The following KCNIP4 variants were observed in gnomAD, a reference collection of about 807,000 sequenced individuals.
KCNIP4 encodes the protein potassium voltage-gated channel interacting protein 4, also known as Kv channel-interacting protein 4.
Under a neutral mutation model 34.0 loss-of-function variants are expected in KCNIP4, and 12 were observed. The observed-to-expected ratio is 0.35, with a 90% CI of 0.23 to 0.57. The LOEUF is 0.57. KCNIP4 is among the 20% of genes least tolerant of loss of function. The pLI, the probability that KCNIP4 is intolerant of heterozygous loss-of-function variation, is 0.83. For missense variants in KCNIP4, 238 were observed against 311.7 expected (o/e 0.76, Z 1.78); for synonymous variants, 124 against 102.2 (o/e 1.21, Z -1.29).
In KCNIP4 at chr4:21,791,719, A is replaced by G. The variant is rs1183298385; in HGVS notation, c.61+156852T>C. On this transcript the variant is annotated intron_variant, in intron 1 of 8. Transcript: ENST00000382152. ...ATTCCTCAGCTGTAGAAAGCAAACA[A>G]TAATAAGAACTACCTCTCATGCCTG... Among the ~76,000 whole-genome samples, 3 of 152,118 alleles carry G rather than the reference A, an allele frequency of 2.0e-5. No individual in the cohort carries two copies. The East Asian group carries it at 5.8e-4, about 30-fold the overall frequency.
chr4:21,623,473 C>A (rs1745120365), intron 1 of KCNIP4, among the ~76,000 whole-genome samples: 1 of 152,186 alleles, frequency 6.6e-6, no homozygotes, highest in African/African-American at 2.4e-5. Context: ...GGAATGGTTT[C>A]TCTAATAAAA....
intron 1 of KCNIP4, among the ~76,000 whole-genome samples, chr4:21,154,309 A>G (rs1752985547): frequency 6.6e-6 from 1 of 152,216 alleles, no homozygotes; most frequent in Non-Finnish European, 1.5e-5. Context: ...AAATATGTAT[A>G]ACTATTATGT....
chr4:21,456,619 A>G (rs1208100283), intron 1 of KCNIP4, among the ~76,000 whole-genome samples: 4 of 147,902 alleles, frequency 2.7e-5, no homozygotes, highest in Non-Finnish European at 4.4e-5. Flanking sequence ...TTTAAAATGC[A>G]TGTCTTAAGG....
At chr4:21,057,374 C>T (rs1331910897) in intron 1 of KCNIP4, among the ~76,000 whole-genome samples, 1 of 152,142 alleles carries the variant, frequency 6.6e-6, no homozygotes, top group Admixed American at 6.6e-5. Flanking sequence ...TTTCAGAAAG[C>T]ACTTGCAATA....
chr4:21,232,333 C>A (rs888135534), intron 1 of KCNIP4, among the ~76,000 whole-genome samples: 18 of 152,066 alleles, frequency 1.2e-4, no homozygotes, highest in African/African-American at 3.9e-4. Flanking sequence ...ACATTTTAAT[C>A]TACCTATAAA....
At chr4:21,598,986 A>G (rs1742876595) in intron 1 of KCNIP4, among the ~76,000 whole-genome samples, 3 of 152,146 alleles carry the variant, frequency 2.0e-5, no homozygotes, top group Admixed American at 2.0e-4. Flanking sequence ...ATCAGAATTT[A>G]TGAAGTTGAT....
At chr4:21,030,410 A>G (rs1171932734) in intron 1 of KCNIP4, among the ~76,000 whole-genome samples, 1 of 152,140 alleles carries the variant, frequency 6.6e-6, no homozygotes, top group Non-Finnish European at 1.5e-5. Context: ...TAATTATTTC[A>G]TTATATATTA....
At chr4:21,033,667 T>A (rs974253248) in intron 1 of KCNIP4, among the ~76,000 whole-genome samples, 2 of 152,150 alleles carry the variant, frequency 1.3e-5, no homozygotes, top group African/African-American at 2.4e-5. Context: ...AGGTACCTGA[T>A]AAAAATTTAC....
chr4:21,591,021 A>G (rs1742172493), intron 1 of KCNIP4, among the ~76,000 whole-genome samples: 1 of 152,022 alleles, frequency 6.6e-6, no homozygotes, highest in African/African-American at 2.4e-5. Flanking sequence ...GGAGGAGACT[A>G]ATTCAGGTAT....
chr4:20,820,416 G>A (rs1413324583), intron 3 of KCNIP4, among the ~76,000 whole-genome samples: 4 of 152,180 alleles, frequency 2.6e-5, no homozygotes, highest in Non-Finnish European at 5.9e-5. Flanking sequence ...GTATGGAACA[G>A]CTTCTCTTGA....
intron 3 of KCNIP4, among the ~76,000 whole-genome samples, chr4:20,849,354 A>G (rs1036841594): frequency 1.4e-5 from 2 of 144,180 alleles, no homozygotes; most frequent in African/African-American, 4.9e-5. Context: ...AAATGGGAGA[A>G]AGACAGACTC....
intron 1 of KCNIP4, among the ~76,000 whole-genome samples, chr4:21,260,296 A>G (rs2109102753): frequency 6.6e-6 from 1 of 152,310 alleles, no homozygotes; most frequent in South Asian, 2.1e-4. Flanking sequence ...ACTATTAGAT[A>G]AAAATTATAT....
At chr4:20,839,381 T>C (rs1329522248) in intron 3 of KCNIP4, among the ~76,000 whole-genome samples, 1 of 151,590 alleles carries the variant, frequency 6.6e-6, no homozygotes, top group African/African-American at 2.4e-5. Context: ...TATAGACATC[T>C]ATCTCTATAT....
chr4:21,744,863 C>A (rs1239887815), intron 1 of KCNIP4, among the ~76,000 whole-genome samples: 1 of 152,170 alleles, frequency 6.6e-6, no homozygotes, highest in Non-Finnish European at 1.5e-5. Context: ...CACAGAAGGT[C>A]ATTCAAATCT....
rs1372690100 is a variant in KCNIP4, at chr4:21,718,100, C to T, written c.61+230471G>A. On this transcript the variant is annotated intron_variant, in intron 1 of 8. Transcript: ENST00000382152. ...CAAACTTTATAACTTCTGAGAACAC[C>T]ACATTATCACATGACAGTGTACCAA... 3.9e-5 allele frequency among the ~76,000 whole-genome samples: 6 copies of T among 152,146 alleles called. 1 individual carries two copies. The East Asian group carries it at 1.2e-3, about 29-fold the overall frequency.
chr4:21,237,662 C>A (rs961298448), intron 1 of KCNIP4, among the ~76,000 whole-genome samples: 1 of 152,132 alleles, frequency 6.6e-6, no homozygotes, highest in Admixed American at 6.5e-5. Context: ...CACATACACC[C>A]TCCCAAGACA....
intron 1 of KCNIP4, among the ~76,000 whole-genome samples, chr4:21,283,342 T>G (rs1377343417): frequency 6.6e-6 from 1 of 152,102 alleles, no homozygotes; most frequent in Admixed American, 6.6e-5. Context: ...CTTCATAAAA[T>G]TATGTAAAAA....
chr4:21,140,205 TG>T (rs1270942193), intron 1 of KCNIP4, among the ~76,000 whole-genome samples: 2 of 152,152 alleles, frequency 1.3e-5, no homozygotes, highest in African/African-American at 4.8e-5. Context: ...CATGTTTTGC[TG>T]GTTACTACCT....
chr4:21,948,732 G>T lies in KCNIP4; in HGVS notation c.-101C>A, dbSNP rs1439069276. 1.6e-5 allele frequency: 20 copies of T among 1,277,872 alleles called. No homozygotes were observed. Among genetic ancestry groups the T allele is most frequent in the Non-Finnish European group, 2.0e-5 (20 of 996,608 alleles). The allele number at this position is 1,277,872 out of a possible 1,614,324, so 79.2% of individuals were successfully genotyped here. A position where few individuals can be genotyped will look rare whatever the true frequency, so the allele number is the denominator to read the frequency against. On this transcript the variant is annotated 5_prime_UTR_variant, in exon 1 of 9. Transcript: ENST00000382152. ...GAGCGCACCGCCGCTCGGCCCGGGG[G>T]CGTCCGTGGCGCTGGGAGCGAGAGC...
Sources: gnomAD v4.1 joint callset for allele counts (sites outside exome capture counted in the v4.1 genomes callset) on GRCh38, gnomAD v4.1.1 for gene constraint, MANE v1.5 for transcripts, NCBI Gene and HGNC (gene_info 2026-07-23, HGNC 2026-07-21) for gene names.